Variants in TTC6 observed in about 807,000 individuals in gnomAD.
The protein encoded by TTC6 is tetratricopeptide repeat protein 6.
In TTC6, 172 loss-of-function variants were observed where a neutral mutation model predicts 210.4. The observed-to-expected ratio is 0.82, with a 90% CI of 0.72 to 0.93. TTC6 has a LOEUF of 0.93. Ranked by LOEUF, TTC6 falls within the 40% of genes least tolerant of loss-of-function variation. TTC6 has a pLI of 0.00. For synonymous variants in TTC6, 804 were observed against 819.6 expected (o/e 0.98, Z 0.32); for missense variants, 2,414 against 2,318.1 (o/e 1.04, Z -0.85).
chr14:37,637,780 C>T (rs996579598), intron 1 of TTC6, among the ~76,000 whole-genome samples: 1 of 152,124 alleles, frequency 6.6e-6, no homozygotes, highest in African/African-American at 2.4e-5. Context: ...AGTGACATGT[C>T]ACTGCACAAC....
At chr14:37,701,765 T>A (rs781285159) in intron 5 of TTC6, among the ~76,000 whole-genome samples, 65 of 152,104 alleles carry the variant, frequency 4.3e-4, no homozygotes, top group Non-Finnish European at 8.1e-4. Context: ...ATTCCCAGAG[T>A]GTTACATACA....
rs1366660092 is a variant in TTC6, at chr14:37,598,808, G to A, written c.-235+2800G>A. ...TCGAGTCTCTCCAGGGCTTCCCTCTGTGGCTGTCCCTCGCCTGCCCCCTTT... is the reference window on the plus strand; with the variant it reads ...TCGAGTCTCTCCAGGGCTTCCCTCTATGGCTGTCCCTCGCCTGCCCCCTTT... On this transcript the variant is annotated intron_variant, in intron 1 of 2. Coordinates refer to the TTC6 transcript ENST00000556845. This position sits in a 1 kb window ranked among gnomAD's most constrained non-coding sequence, Gnocchi z 4.9. 6.6e-6 allele frequency among the ~76,000 whole-genome samples: 1 copy of A among 152,182 alleles called. No individual in the cohort carries two copies. Among genetic ancestry groups the A allele is most frequent in the Non-Finnish European group, 1.5e-5 (1 of 68,032 alleles).
At chr14:37,740,081 G>A (rs1307060957) in intron 10 of TTC6, among the ~76,000 whole-genome samples, 11 of 151,052 alleles carry the variant, frequency 7.3e-5, no homozygotes, top group Admixed American at 2.6e-4. Context: ...GGAGAATGGC[G>A]TGAACCCAGG....
intron 1 of TTC6, among the ~76,000 whole-genome samples, chr14:37,596,304 G>T (rs958607928): frequency 3.3e-5 from 5 of 152,252 alleles, no homozygotes; most frequent in African/African-American, 9.6e-5. Context: ...AGCTGGGAGA[G>T]CAAGGGCCTG....
rs534837215 is a variant in TTC6 at position 37,835,009 on chromosome 14, G to A, written c.5299-6436G>A. 2.6e-5 allele frequency among the ~76,000 whole-genome samples: 4 copies of A among 152,248 alleles called. No individual in the cohort carries two copies. The South Asian group carries it at 6.2e-4, about 24-fold the overall frequency. On this transcript the variant is annotated intron_variant, in intron 29 of 30. Coordinates refer to ENST00000553443, the Ensembl canonical transcript of TTC6. ...GGCTGTGGTTATTTGTGGACACTGTGGTGAAGCTTTGCTGGAAATGGTGAT... is the reference window on the plus strand; with the variant it reads ...GGCTGTGGTTATTTGTGGACACTGTAGTGAAGCTTTGCTGGAAATGGTGAT...
chr14:37,627,907 A>C (rs1326594269), intron 1 of TTC6, among the ~76,000 whole-genome samples: 1 of 152,120 alleles, frequency 6.6e-6, no homozygotes. Context: ...TTACACACCC[A>C]CCAACAGTGT....
chr14:37,722,793 C>T (rs1474891692), intron 6 of TTC6, among the ~76,000 whole-genome samples: 1 of 152,068 alleles, frequency 6.6e-6, no homozygotes, highest in Non-Finnish European at 1.5e-5. Flanking sequence ...TAGTGTTTAC[C>T]AGGTTTCTTC....
rs118123893 is a variant in TTC6 at position 37,799,447 on chromosome 14, T to C, written c.4029+2500T>C. 2.1e-4 allele frequency among the ~76,000 whole-genome samples: 32 copies of C among 152,250 alleles called. No homozygotes were observed. In the East Asian group the frequency reaches 5.2e-3, roughly 25 times the overall value. ...TCACCACAATCTGGCTCCTTTCCTC[T>C]TGTGATGGACACATGATAAGGTGAC... On this transcript the variant is annotated intron_variant, in intron 20 of 30. Coordinates refer to ENST00000553443, the Ensembl canonical transcript of TTC6.
intron 1 of TTC6, among the ~76,000 whole-genome samples, chr14:37,676,162 A>G (rs2095768801): frequency 6.6e-6 from 1 of 152,070 alleles, no homozygotes; most frequent in African/African-American, 2.4e-5. Flanking sequence ...GAAATGCTTA[A>G]TTGAGAAATG....
At chr14:37,837,246 T>A (rs2096199921) in intron 29 of TTC6, 1 of 275,712 alleles carries the variant, frequency 3.6e-6, no homozygotes. Flanking sequence ...ATTGAAGGTA[T>A]GCCTTGTGAT....
At chr14:37,790,830 C>A in exon 16 of TTC6, 1 of 1,531,176 alleles carries the variant, frequency 6.5e-7, no homozygotes, top group Non-Finnish European at 8.7e-7. Context: ...TGTCATTTCT[C>A]TAGAAAGGTA....
chr14:37,841,512 C>T, exon 30 of TTC6: 1 of 1,599,664 alleles, frequency 6.3e-7, no homozygotes, highest in Non-Finnish European at 8.5e-7. Flanking sequence ...ATGAATCGAG[C>T]TATTACAAAT....
intron 13 of TTC6, among the ~76,000 whole-genome samples, chr14:37,751,825 T>TA (rs951687518): frequency 2.0e-5 from 3 of 146,584 alleles, no homozygotes; most frequent in African/African-American, 7.5e-5. Context: ...GAAATGAACT[T>TA]TTTTTTTTTT....
chr14:37,643,912 A>C (rs907253995), intron 1 of TTC6, among the ~76,000 whole-genome samples: 2 of 152,232 alleles, frequency 1.3e-5, no homozygotes, highest in East Asian at 3.8e-4. Context: ...AGTCTTTGAC[A>C]ATCAATTATT....
chr14:37,625,512 G>A (rs911918291), intron 1 of TTC6, among the ~76,000 whole-genome samples: 4 of 150,286 alleles, frequency 2.7e-5, no homozygotes, highest in Admixed American at 6.6e-5. Flanking sequence ...CGCACCATTG[G>A]ACTCCAGCCT....
At position 37,813,659 on chromosome 14, in the gene TTC6, T is replaced by G. The variant is rs556903336; in HGVS notation, c.4689+1226T>G. Reference sequence around the variant, plus strand: ...TTCCACAGTAAGTACTGGGGTAAGATCTGAACTCAGAACTCACTCGATTCC... The same window carrying G: ...TTCCACAGTAAGTACTGGGGTAAGAGCTGAACTCAGAACTCACTCGATTCC... On this transcript the variant is annotated intron_variant, in intron 25 of 30. Transcript: ENST00000553443. Among the ~76,000 whole-genome samples, 15 of 152,244 alleles carry G rather than the reference T, an allele frequency of 9.9e-5. 1 individual carries two copies. In the South Asian group the frequency reaches 2.9e-3, roughly 29 times the overall value.
At chr14:37,830,067 T>G (rs1958685) in intron 29 of TTC6, among the ~76,000 whole-genome samples, 115,913 of 151,560 alleles carry the variant, frequency 0.76, 49,432 homozygotes, top group Non-Finnish European at 0.94. Context: ...ACAATATTCC[T>G]TGGAGTTTTG....
chr14:37,639,457 T>C (rs2095687386), intron 1 of TTC6, among the ~76,000 whole-genome samples: 1 of 152,212 alleles, frequency 6.6e-6, no homozygotes, highest in African/African-American at 2.4e-5. Context: ...ATTAAGAAGT[T>C]TCCCTCTATT....
intron 3 of TTC6, among the ~76,000 whole-genome samples, chr14:37,689,576 G>A (rs1242115577): frequency 6.6e-6 from 1 of 152,036 alleles, no homozygotes; most frequent in African/African-American, 2.4e-5. Flanking sequence ...AACAGCAAGA[G>A]AAAAGAAACA....
Sources: gnomAD v4.1 joint callset for allele counts (sites outside exome capture counted in the v4.1 genomes callset) on GRCh38, gnomAD v4.1.1 for gene constraint, Gnocchi (gnomAD v3.1) non-coding constraint, MANE v1.5 for transcripts, NCBI Gene and HGNC (gene_info 2026-07-23, HGNC 2026-07-21) for gene names.